RBFOX1: variants seen among roughly 807,000 people sequenced by gnomAD.
RBFOX1 encodes the protein RNA binding fox-1 homolog 1, also known as RNA binding protein fox-1 homolog 1.
A neutral mutation model predicts 57.7 loss-of-function variants in RBFOX1; 8 were observed. That is an observed-to-expected ratio of 0.14 (90% CI 0.08 to 0.25). RBFOX1 has a LOEUF of 0.25. Ranked by LOEUF, RBFOX1 falls within the 10% of genes least tolerant of loss-of-function variation. RBFOX1 has a pLI of 1.00. For synonymous variants in RBFOX1, 326 were observed against 222.4 expected, an observed-to-expected ratio of 1.47 and a Z score of -4.15; for missense variants, 611 against 548.5, an observed-to-expected ratio of 1.11 and a Z score of -1.14.
At chr16:7,060,007 C>G (rs574373812) in intron 4 of RBFOX1, among the ~76,000 whole-genome samples, 1 of 152,122 alleles carries the variant, frequency 6.6e-6, no homozygotes, top group Admixed American at 6.5e-5. Flanking sequence ...GGAAAAAAGC[C>G]CTCAGAAATG....
intron 2 of RBFOX1, among the ~76,000 whole-genome samples, chr16:5,565,654 A>AAAT (rs1353213746): frequency 6.6e-6 from 1 of 151,262 alleles, no homozygotes; most frequent in Non-Finnish European, 1.5e-5. Context: ...ATAAATAAAT[A>AAAT]AATAAATAAA....
At chr16:6,554,906 A>G (rs924076516) in intron 2 of RBFOX1, among the ~76,000 whole-genome samples, 2 of 152,164 alleles carry the variant, frequency 1.3e-5, no homozygotes, top group East Asian at 3.9e-4. Flanking sequence ...AGAAGCCCAG[A>G]GTATGCTTTT....
In RBFOX1 at chr16:6,337,028, A is replaced by G. The variant is rs146249232; in HGVS notation, c.-64+19971A>G. Among the ~76,000 whole-genome samples the G allele has an allele frequency of 2.8e-3, 434 of 152,330 alleles. 4 individuals are homozygous for G. The highest frequency in any genetic ancestry group is 0.02 in the Admixed American group (302 of 15,302). On this transcript the variant is annotated intron_variant, in intron 2 of 15. Coordinates refer to ENST00000550418, the MANE Select transcript of RBFOX1 (RefSeq NM_018723.4). ...AAAGGAACTCAAAATGGCATTGAGG[A>G]AAGCATTTTTCAATCTGACCCATTT...
intron 1 of RBFOX1, among the ~76,000 whole-genome samples, chr16:5,383,966 C>G (rs2066194632): frequency 6.6e-6 from 1 of 152,192 alleles, no homozygotes; most frequent in African/African-American, 2.4e-5. Context: ...ATTCTGCATT[C>G]TCCTCCATGC....
At chr16:6,989,018 C>G (rs975915288) in intron 3 of RBFOX1, among the ~76,000 whole-genome samples, 5 of 152,088 alleles carry the variant, frequency 3.3e-5, no homozygotes, top group African/African-American at 1.2e-4. Context: ...CCCCCTCGGA[C>G]TCCCAAAGTG....
intron 3 of RBFOX1, among the ~76,000 whole-genome samples, chr16:6,938,745 G>C (rs2077800682): frequency 6.6e-6 from 1 of 152,068 alleles, no homozygotes; most frequent in East Asian, 1.9e-4. Flanking sequence ...CAGTTTGGCT[G>C]TCAGGGTGAA....
chr16:5,829,099 C>T (rs1299204722), intron 3 of RBFOX1, among the ~76,000 whole-genome samples: 1 of 152,092 alleles, frequency 6.6e-6, no homozygotes, highest in African/African-American at 2.4e-5. Context: ...GTCTCTAGCT[C>T]CAGCTCACAC....
chr16:6,324,178 A>G (rs34766116), intron 2 of RBFOX1, among the ~76,000 whole-genome samples: 30,279 of 126,554 alleles, frequency 0.24, 3,871 homozygotes, highest in Middle Eastern at 0.4. Context: ...TCCATAGTTC[A>G]TGCTCTGTGT....
intron 3 of RBFOX1, among the ~76,000 whole-genome samples, chr16:6,890,024 T>C (rs559454219): frequency 1.3e-5 from 2 of 152,336 alleles, no homozygotes; most frequent in South Asian, 2.1e-4. Context: ...TGGTTAATAA[T>C]AGTAGTGTCC....
intron 2 of RBFOX1, among the ~76,000 whole-genome samples, chr16:6,346,678 AGT>A (rs1491465180): frequency 6.6e-5 from 10 of 152,154 alleles, no homozygotes; most frequent in Non-Finnish European, 1.3e-4. Context: ...ATTTGTCTAT[AGT>A]TTTTTTATTT....
chr16:7,332,853 C>T (rs1464493489), intron 4 of RBFOX1: 2 of 1,455,692 alleles, frequency 1.4e-6, no homozygotes, highest in African/African-American at 1.4e-5. Context: ...TTCTTTCTTT[C>T]CTCTCCCGGC....
At position 6,780,372 on chromosome 16, in the gene RBFOX1, G is replaced by T. The variant is rs1320455720; in HGVS notation, c.-16+125722G>T. On this transcript the variant is annotated intron_variant, in intron 3 of 15. Transcript: ENST00000550418. Reference sequence around the variant, plus strand: ...ATACATATTTATATACATATTTATAGATATATTTATACATATTATATATAT... The same window carrying T: ...ATACATATTTATATACATATTTATATATATATTTATACATATTATATATAT... 5.8e-3 allele frequency among the ~76,000 whole-genome samples: 476 copies of T among 81,434 alleles called. 22 individuals carry two copies. Among genetic ancestry groups the T allele is most frequent in the Non-Finnish European group, 6.6e-3 (324 of 48,938 alleles). The allele number at this position is 81,434 out of a possible 152,430, so 53.4% of individuals were successfully genotyped here.
intron 1 of RBFOX1, among the ~76,000 whole-genome samples, chr16:5,403,000 GTGCA>G (rs897255788): frequency 2.5e-4 from 38 of 152,122 alleles, no homozygotes; most frequent in African/African-American, 8.2e-4. Context: ...GTCCCAACAT[GTGCA>G]TGCATGCATG....
At chr16:7,253,820 A>G (rs1922598) in intron 4 of RBFOX1, among the ~76,000 whole-genome samples, 12,200 of 152,154 alleles carry the variant, frequency 0.08, 491 homozygotes, top group Non-Finnish European at 0.085. Context: ...TGTGTCTCCA[A>G]CACTGAGTCC....
At chr16:6,719,328 A>G (rs959049898) in intron 3 of RBFOX1, among the ~76,000 whole-genome samples, 1 of 152,238 alleles carries the variant, frequency 6.6e-6, no homozygotes, top group African/African-American at 2.4e-5. Flanking sequence ...AAGCAATCAC[A>G]TCAATTAAAC....
chr16:6,436,490 A>G (rs1311816200), intron 2 of RBFOX1, among the ~76,000 whole-genome samples: 2 of 144,680 alleles, frequency 1.4e-5, no homozygotes, highest in African/African-American at 2.6e-5. Flanking sequence ...TTTTGACAGT[A>G]TCCTGCCTGG....
chr16:7,052,242 A>C, intron 4 of RBFOX1, 144 bp downstream of exon 4: 1 of 1,308,454 alleles, frequency 7.6e-7, no homozygotes, highest in Non-Finnish European at 1.0e-6. Flanking sequence ...ATCCCAGCTT[A>C]TTTAGTATTG....
intron 3 of RBFOX1, among the ~76,000 whole-genome samples, chr16:6,683,145 G>C (rs780660950): frequency 1.3e-5 from 2 of 152,070 alleles, no homozygotes; most frequent in African/African-American, 4.8e-5. Flanking sequence ...TAGCAGATGC[G>C]TATTTTCCTT....
At chr16:5,548,722 C>A (rs2045335221) in intron 2 of RBFOX1, among the ~76,000 whole-genome samples, 1 of 152,070 alleles carries the variant, frequency 6.6e-6, no homozygotes, top group Non-Finnish European at 1.5e-5. Context: ...ATGGATATTT[C>A]ACTGTCTTGA....
Sources: allele counts gnomAD v4.1 joint callset (sites outside exome capture counted in the v4.1 genomes callset), GRCh38; gene constraint gnomAD v4.1.1; transcripts MANE v1.5; gene names NCBI Gene and HGNC (gene_info 2026-07-23, HGNC 2026-07-21).